The following NAALADL2 variants were observed in gnomAD, a reference collection of about 807,000 sequenced individuals.
The protein encoded by NAALADL2 is inactive N-acetylated-alpha-linked acidic dipeptidase-like protein 2.
A neutral mutation model predicts 87.2 loss-of-function variants in NAALADL2; 76 were observed. The observed-to-expected ratio is 0.87, with a 90% CI of 0.72 to 1.05. The LOEUF (loss-of-function observed/expected upper bound fraction) is 1.05, where lower values mean the gene tolerates loss of function less well. Among genes scored for constraint, NAALADL2 ranks in the 50% least tolerant of loss-of-function variants. The probability of loss-of-function intolerance (pLI) is 0.00; values close to 1 mark genes in which losing one functional copy is unlikely to be tolerated. For missense variants in NAALADL2, 1,089 were observed against 945.8 expected (o/e 1.15, Z -1.99); for synonymous variants, 354 against 331.0 (o/e 1.07, Z -0.75).
chr3:175,346,988 A>G (rs529098863), intron 5 of NAALADL2, among the ~76,000 whole-genome samples: 1 of 120,894 alleles, frequency 8.3e-6, no homozygotes, highest in South Asian at 2.9e-4. Flanking sequence ...TTGCGAGACA[A>G]GTATTACTGT....
chr3:174,867,824 CTCTT>C (rs1333845576), intron 1 of NAALADL2, among the ~76,000 whole-genome samples: 10 of 151,948 alleles, frequency 6.6e-5, no homozygotes, highest in Admixed American at 2.6e-4. Context: ...GGCATAGAGT[CTCTT>C]TATTCTGAGA....
chr3:175,247,350 C>A (rs928363092), intron 3 of NAALADL2, among the ~76,000 whole-genome samples: 28 of 151,962 alleles, frequency 1.8e-4, no homozygotes, highest in African/African-American at 5.3e-4. Flanking sequence ...TTGCAGCATG[C>A]TGTGGAAAAA....
chr3:175,301,611 A>G (rs1314269839), intron 4 of NAALADL2, among the ~76,000 whole-genome samples: 1 of 152,202 alleles, frequency 6.6e-6, no homozygotes, highest in Non-Finnish European at 1.5e-5. Flanking sequence ...TGGGTGCAGA[A>G]GAGAAATAGG....
At chr3:175,679,676 T>C (rs549414546) in intron 11 of NAALADL2, among the ~76,000 whole-genome samples, 1 of 152,268 alleles carries the variant, frequency 6.6e-6, no homozygotes, top group East Asian at 1.9e-4. Flanking sequence ...GTCAAACCAG[T>C]CAATACGAAA....
chr3:175,549,300 C>T (rs778436414), intron 9 of NAALADL2, among the ~76,000 whole-genome samples: 2 of 151,916 alleles, frequency 1.3e-5, no homozygotes, highest in Non-Finnish European at 2.9e-5. Flanking sequence ...TCTGTTTAGA[C>T]ATCTAACTGT....
intron 9 of NAALADL2, among the ~76,000 whole-genome samples, chr3:175,473,195 A>T (rs1725149184): frequency 6.6e-6 from 1 of 152,082 alleles, no homozygotes; most frequent in African/African-American, 2.4e-5. Flanking sequence ...ACAGGACTAA[A>T]ATATTTCAGT....
At chr3:175,381,641 A>C (rs1243314810) in intron 5 of NAALADL2, among the ~76,000 whole-genome samples, 3 of 152,188 alleles carry the variant, frequency 2.0e-5, no homozygotes, top group African/African-American at 7.2e-5. Flanking sequence ...GAGTTTAGAC[A>C]GTTTTTCAGT....
At chr3:175,275,463 A>G (rs1753452813) in intron 4 of NAALADL2, among the ~76,000 whole-genome samples, 1 of 123,782 alleles carries the variant, frequency 8.1e-6, no homozygotes, top group Non-Finnish European at 1.8e-5. Flanking sequence ...GGACCATTTT[A>G]TGTAGTTGGG....
chr3:175,032,029 C>A (rs1752852450), intron 1 of NAALADL2, among the ~76,000 whole-genome samples: 1 of 151,888 alleles, frequency 6.6e-6, no homozygotes, highest in Admixed American at 6.6e-5. Flanking sequence ...TTGACCAATG[C>A]ATAGTTTGCA....
intron 1 of NAALADL2, among the ~76,000 whole-genome samples, chr3:175,028,994 ATAT>A (rs982261221): frequency 4.0e-5 from 6 of 150,180 alleles, no homozygotes; most frequent in Non-Finnish European, 7.4e-5. Flanking sequence ...AATTAGATGA[ATAT>A]TATGCAGTCT....
At chr3:175,286,896 G>T (rs967772004) in intron 4 of NAALADL2, among the ~76,000 whole-genome samples, 1 of 151,642 alleles carries the variant, frequency 6.6e-6, no homozygotes, top group Admixed American at 6.6e-5. Flanking sequence ...AGACCAGCCC[G>T]GGCAACATAG....
intron 2 of NAALADL2, among the ~76,000 whole-genome samples, chr3:174,597,713 G>T (rs1015374918): frequency 6.6e-6 from 1 of 152,164 alleles, no homozygotes; most frequent in African/African-American, 2.4e-5. Flanking sequence ...AATAAAAAGG[G>T]TTCATTGGGA....
At chr3:174,976,753 G>T (rs1038588814) in intron 1 of NAALADL2, among the ~76,000 whole-genome samples, 6 of 152,138 alleles carry the variant, frequency 3.9e-5, no homozygotes, top group African/African-American at 1.4e-4. Flanking sequence ...TATTGTTAGA[G>T]ACCCACAGAA....
intron 2 of NAALADL2, among the ~76,000 whole-genome samples, chr3:174,651,043 A>G (rs1444633844): frequency 6.6e-6 from 1 of 152,098 alleles, no homozygotes; most frequent in Admixed American, 6.5e-5. Context: ...GAAAAAAATG[A>G]TACCCTTCTA....
intron 2 of NAALADL2, among the ~76,000 whole-genome samples, chr3:175,119,749 A>G (rs1400792688): frequency 1.4e-5 from 2 of 144,774 alleles, no homozygotes; most frequent in African/African-American, 2.5e-5. Flanking sequence ...ATACTTATAT[A>G]TCTATATATA....
chr3:175,532,216 C>T (rs1046664093), intron 9 of NAALADL2, among the ~76,000 whole-genome samples: 1 of 152,184 alleles, frequency 6.6e-6, no homozygotes, highest in African/African-American at 2.4e-5. Context: ...AACTGGAGGT[C>T]CACAATGACA....
intron 2 of NAALADL2, among the ~76,000 whole-genome samples, chr3:174,690,150 A>G (rs1377157604): frequency 6.6e-6 from 1 of 152,168 alleles, no homozygotes; most frequent in Non-Finnish European, 1.5e-5. Flanking sequence ...ATGTGATTTC[A>G]TTAAATTATT....
chr3:175,446,374 C>T lies in NAALADL2; in HGVS notation c.1091-855C>T, dbSNP rs150026544. Among the ~76,000 whole-genome samples, 453 of 152,046 alleles carry T rather than the reference C, an allele frequency of 3.0e-3. 2 individuals are homozygous for T. Among genetic ancestry groups the T allele is most frequent in the African/African-American group, 9.9e-3 (409 of 41,498 alleles). Reference sequence around the variant, plus strand: ...CTCCTGCCTCGGCCTCCTGAGTAGCCAAGATTACAGGCGTGCACCACCATA... The same window carrying T: ...CTCCTGCCTCGGCCTCCTGAGTAGCTAAGATTACAGGCGTGCACCACCATA... On this transcript the variant is annotated intron_variant, in intron 5 of 13. Coordinates refer to ENST00000454872, the MANE Select transcript of NAALADL2 (RefSeq NM_207015.3).
rs1278008400 is a variant in NAALADL2 at position 175,435,657 on chromosome 3, C to T, written c.1091-11572C>T. Reference sequence around the variant, plus strand: ...AACTCATATATTATAGTCCTTTGTCCCCAAATAATTGTACCTAACCAATAT... The same window carrying T: ...AACTCATATATTATAGTCCTTTGTCTCCAAATAATTGTACCTAACCAATAT... On this transcript the variant is annotated intron_variant, in intron 5 of 13. Transcript: ENST00000454872. Among the ~76,000 whole-genome samples, 3 of 151,792 alleles carry T rather than the reference C, an allele frequency of 2.0e-5. No individual in the cohort carries two copies. The East Asian group carries it at 5.8e-4, about 29-fold the overall frequency.
Sources: gnomAD v4.1 joint callset for allele counts (sites outside exome capture counted in the v4.1 genomes callset) on GRCh38, gnomAD v4.1.1 for gene constraint, MANE v1.5 for transcripts, NCBI Gene and HGNC (gene_info 2026-07-23, HGNC 2026-07-21) for gene names.